TMEM178A: variants seen among roughly 807,000 people sequenced by gnomAD.
The protein encoded by TMEM178A is transmembrane protein 178A, also known as transmembrane protein 178.
In TMEM178A, 12 loss-of-function variants were observed where a neutral mutation model predicts 29.1. The ratio of observed to expected loss-of-function variants is 0.41; its 90% CI spans 0.26 to 0.67. The LOEUF is 0.67. Among genes scored for constraint, TMEM178A ranks in the 30% least tolerant of loss-of-function variants. TMEM178A has a pLI of 0.29. For synonymous variants in TMEM178A, 210 were observed against 187.2 expected (o/e 1.12, Z -0.99); for missense variants, 366 against 419.1 (o/e 0.87, Z 1.11).
chr2:39,693,144 C>CA (rs754108024), intron 1 of TMEM178A, among the ~76,000 whole-genome samples: 17 of 151,964 alleles, frequency 1.1e-4, no homozygotes, highest in South Asian at 4.1e-4. Context: ...AAAATGAAAA[C>CA]AAAAAACAAC....
At chr2:39,681,555 C>T (rs970903218) in intron 1 of TMEM178A, among the ~76,000 whole-genome samples, 26 of 152,034 alleles carry the variant, frequency 1.7e-4, no homozygotes, top group African/African-American at 6.3e-4. Context: ...ACATATTGGT[C>T]TTCGAATTGG....
In TMEM178A at chr2:39,666,190, G is replaced by C; in HGVS notation, c.216G>C (p.Pro72=). 6.9e-7 allele frequency: 1 copy of C among 1,443,902 alleles called. No individual in the cohort carries two copies. 89.4% of individuals were successfully genotyped at this position (1,443,902 alleles called of 1,614,324 possible). ...ACCTGCCGCTGCGGGACTCGCCCCC[G>C]CTGGGGCGCCGGCTGCTCCCGGGCG... ...LSHLPLRDSP[P]LGRRLLPGGP... Residue 72 remains proline (P), a synonymous_variant, in exon 1 of 4, where the codon CCG becomes CCC. Transcript: ENST00000281961.
In TMEM178A at chr2:39,666,124, C is replaced by A; in HGVS notation, c.150C>A (p.Ala50=). Residue 50 remains alanine, a synonymous_variant, in exon 1 of 4, where the codon GCC becomes GCA. Transcript: ENST00000281961. ...GCTGCGAGCGCAGCCGCGCGGGCGC[C>A]GACCCCCCGGACCAGAAGAACCGCC... is the stretch of plus-strand genomic sequence containing the variant. ...KESCERSRAG[A]DPPDQKNRLM... The A allele has an allele frequency of 2.6e-6, 4 of 1,548,014 alleles. No homozygotes were observed. The highest frequency in any genetic ancestry group is 2.7e-5 in the East Asian group (1 of 37,692).
At chr2:39,679,773 G>A (rs1267421365) in intron 1 of TMEM178A, among the ~76,000 whole-genome samples, 1 of 152,132 alleles carries the variant, frequency 6.6e-6, no homozygotes, top group Non-Finnish European at 1.5e-5. Flanking sequence ...TAAAACGGTT[G>A]CAATTCCAGT....
intron 3 of TMEM178A, among the ~76,000 whole-genome samples, chr2:39,711,247 CCACCT>C (rs1672288350): frequency 6.6e-6 from 1 of 152,172 alleles, no homozygotes; most frequent in African/African-American, 2.4e-5. Context: ...ATGAATATTT[CCACCT>C]ACATTATTAA....
At chr2:39,693,920 T>C (rs1671430831) in intron 1 of TMEM178A, among the ~76,000 whole-genome samples, 1 of 151,258 alleles carries the variant, frequency 6.6e-6, no homozygotes, top group Non-Finnish European at 1.5e-5. Context: ...TTGCACAAGA[T>C]CATGCCTTTT....
the TMEM178A span, among the ~76,000 whole-genome samples, chr2:39,729,227 G>C: frequency 6.6e-6 from 1 of 152,180 alleles, no homozygotes; most frequent in Non-Finnish European, 1.5e-5. Flanking sequence ...CCACACCATA[G>C]CTTGCACCAT....
At position 39,685,422 on chromosome 2, in the gene TMEM178A, A is replaced by G. The variant is rs560503203; in HGVS notation, c.401-18659A>G. ...ACTCAGTACTTCTCCTTTATGTCAGAGTTGTAATTTGACATCTCTTTGTGC... is the reference window on the plus strand; with the variant it reads ...ACTCAGTACTTCTCCTTTATGTCAGGGTTGTAATTTGACATCTCTTTGTGC... On this transcript the variant is annotated intron_variant, in intron 1 of 3. Coordinates refer to ENST00000281961, the MANE Select transcript of TMEM178A (RefSeq NM_152390.3). Among the ~76,000 whole-genome samples the G allele has an allele frequency of 4.6e-5, 7 of 152,242 alleles. No individual in the cohort carries two copies. The South Asian group carries it at 1.5e-3, about 32-fold the overall frequency.
At chr2:39,725,835 T>C in the TMEM178A span, among the ~76,000 whole-genome samples, 2 of 152,168 alleles carry the variant, frequency 1.3e-5, no homozygotes, top group East Asian at 3.9e-4. Context: ...AGGTCCACCG[T>C]GGCAAAATGG....
chr2:39,695,787 A>G (rs1671514515), intron 1 of TMEM178A, among the ~76,000 whole-genome samples: 1 of 152,044 alleles, frequency 6.6e-6, no homozygotes, highest in Admixed American at 6.6e-5. Flanking sequence ...CCCCAGTCTT[A>G]TGTTCTGAGG....
Position 39,673,980 on chromosome 2 carries a change from G to A in TMEM178A, c.400+7606G>A, listed in dbSNP as rs1670508660. Among the ~76,000 whole-genome samples, 4 of 152,194 alleles carry A rather than the reference G, an allele frequency of 2.6e-5. No homozygotes were observed. In the South Asian group the frequency reaches 8.3e-4, roughly 32 times the overall value. On this transcript the variant is annotated intron_variant, in intron 1 of 3. Coordinates refer to ENST00000281961, the MANE Select transcript of TMEM178A (RefSeq NM_152390.3). Reference sequence around the variant, plus strand: ...GAGCAGTGAGGAAGGGGGTCTAAGTGAGTGGGGGCAGGCTGCTGGTTAACT... The same window carrying A: ...GAGCAGTGAGGAAGGGGGTCTAAGTAAGTGGGGGCAGGCTGCTGGTTAACT...
intron 1 of TMEM178A, chr2:39,687,231 C>T (rs1305959747): frequency 1.2e-5 from 2 of 166,822 alleles, no homozygotes; most frequent in Non-Finnish European, 2.9e-5. Context: ...GGGTCAAGCA[C>T]CTGATAGTTA....
chr2:39,698,855 G>A (rs932754493), intron 1 of TMEM178A, among the ~76,000 whole-genome samples: 7 of 151,972 alleles, frequency 4.6e-5, no homozygotes, highest in African/African-American at 1.7e-4. Context: ...TGTTATAGAT[G>A]CGTTCAGATT....
chr2:39,690,904 A>G (rs1671289266), intron 1 of TMEM178A, among the ~76,000 whole-genome samples: 1 of 152,222 alleles, frequency 6.6e-6, no homozygotes, highest in Admixed American at 6.5e-5. Context: ...CAAAGAACCA[A>G]ACAAATTCTG....
chr2:39,693,127 G>A (rs372832443), intron 1 of TMEM178A, among the ~76,000 whole-genome samples: 4 of 152,094 alleles, frequency 2.6e-5, no homozygotes, highest in Admixed American at 2.0e-4. Context: ...AAACAAAAAC[G>A]AAAACAAAAA....
chr2:39,702,345 C>T (rs1190554955), intron 1 of TMEM178A, among the ~76,000 whole-genome samples: 1 of 152,084 alleles, frequency 6.6e-6, no homozygotes, highest in African/African-American at 2.4e-5. Flanking sequence ...CCTGCTAAAA[C>T]CAATAAACCT....
intron 1 of TMEM178A, among the ~76,000 whole-genome samples, chr2:39,667,070 C>T (rs555334717): frequency 1.4e-4 from 21 of 152,334 alleles, no homozygotes. Context: ...AGATAGGACA[C>T]CTGCTTTCCA....
At chr2:39,678,349 A>T (rs1353903710) in intron 1 of TMEM178A, among the ~76,000 whole-genome samples, 1 of 152,232 alleles carries the variant, frequency 6.6e-6, no homozygotes, top group Non-Finnish European at 1.5e-5. Flanking sequence ...TCAACTGATG[A>T]ATAGATAAGA....
At chr2:39,696,374 T>C (rs1671541666) in intron 1 of TMEM178A, among the ~76,000 whole-genome samples, 1 of 152,188 alleles carries the variant, frequency 6.6e-6, no homozygotes, top group African/African-American at 2.4e-5. Flanking sequence ...AGTGGTTCTG[T>C]ATGGCGAATT....
Sources: allele counts gnomAD v4.1 joint callset (sites outside exome capture counted in the v4.1 genomes callset), GRCh38; gene constraint gnomAD v4.1.1; transcripts MANE v1.5; gene names NCBI Gene and HGNC (gene_info 2026-07-23, HGNC 2026-07-21).